The following SIPA1L1 variants were observed in gnomAD, a reference collection of about 807,000 sequenced individuals.
SIPA1L1 encodes the protein signal-induced proliferation-associated 1-like protein 1.
A neutral mutation model predicts 162.7 loss-of-function variants in SIPA1L1; 26 were observed. That is an observed-to-expected ratio of 0.16 (90% confidence interval 0.12 to 0.22). SIPA1L1 has a LOEUF of 0.22. Among genes scored for constraint, SIPA1L1 ranks in the 10% least tolerant of loss-of-function variants. The pLI, the probability that SIPA1L1 is intolerant of heterozygous loss-of-function variation, is 1.00. For synonymous variants in SIPA1L1, 829 were observed against 837.4 expected, an observed-to-expected ratio of 0.99 and a Z score of 0.17; for missense variants, 1,874 against 2,241.0, an observed-to-expected ratio of 0.84 and a Z score of 3.31.
At chr14:71,549,563 A>G (rs1231385924) in intron 4 of SIPA1L1, among the ~76,000 whole-genome samples, 1 of 152,212 alleles carries the variant, frequency 6.6e-6, no homozygotes, top group African/African-American at 2.4e-5. Flanking sequence ...AAGTTGGCCA[A>G]TTGGGAGGTT....
chr14:71,377,217 T>C lies in SIPA1L1; in HGVS notation c.-465+56036T>C, dbSNP rs1161245312. ...TGGGGGCGCCCCCCCACCTCCCAGA[T>C]GGGGTGGCGGCTGGGCGGGGGTGCC... On this transcript the variant is annotated intron_variant, in intron 2 of 23. Transcript: ENST00000381232. The surrounding 1 kb of genome is among the most constrained non-coding windows in gnomAD (Gnocchi z 4.8). Among the ~76,000 whole-genome samples, 2 of 145,268 alleles carry C rather than the reference T, an allele frequency of 1.4e-5. No homozygotes were observed. The highest frequency in any genetic ancestry group is 6.8e-5 in the Admixed American group (1 of 14,766).
At chr14:71,597,399 T>A (rs1278003772) in intron 5 of SIPA1L1, among the ~76,000 whole-genome samples, 15 of 152,224 alleles carry the variant, frequency 9.9e-5, no homozygotes, top group African/African-American at 3.4e-4. Flanking sequence ...TCTTCCTGTT[T>A]GTATATTTTA....
intron 2 of SIPA1L1, among the ~76,000 whole-genome samples, chr14:71,477,342 A>G (rs572231022): frequency 8.5e-5 from 13 of 152,196 alleles, no homozygotes; most frequent in Admixed American, 2.6e-4. Flanking sequence ...CCCCATCTCC[A>G]TAGTTTTCTC....
chr14:71,568,479 T>C (rs1385328809), intron 4 of SIPA1L1, among the ~76,000 whole-genome samples: 1 of 152,182 alleles, frequency 6.6e-6, no homozygotes, highest in Non-Finnish European at 1.5e-5. Context: ...CAATTGGTGT[T>C]GCACTGTTTC....
chr14:71,508,640 C>T (rs991340488), intron 2 of SIPA1L1, among the ~76,000 whole-genome samples: 21 of 152,242 alleles, frequency 1.4e-4, no homozygotes, highest in African/African-American at 4.1e-4. Flanking sequence ...CTTTTATTTC[C>T]GAACAAATAT....
At chr14:71,365,185 T>C (rs1383777158) in intron 2 of SIPA1L1, among the ~76,000 whole-genome samples, 2 of 151,668 alleles carry the variant, frequency 1.3e-5, no homozygotes, top group African/African-American at 4.9e-5. Context: ...GCCTGGCTAA[T>C]TTATTTTTTT....
intron 2 of SIPA1L1, among the ~76,000 whole-genome samples, chr14:71,347,156 T>A (rs2036254071): frequency 6.6e-6 from 1 of 151,614 alleles, no homozygotes; most frequent in African/African-American, 2.4e-5. Context: ...AGATGGGGTA[T>A]CACCGCGTTG....
intron 5 of SIPA1L1, among the ~76,000 whole-genome samples, chr14:71,610,332 A>G (rs1376976522): frequency 6.6e-6 from 1 of 152,226 alleles, no homozygotes; most frequent in Admixed American, 6.5e-5. Flanking sequence ...AATTATTTCC[A>G]TAAGGTGGAG....
chr14:71,738,370 AC>A (rs1287181445), intron 23 of SIPA1L1, 45 bp downstream of exon 23: 1 of 1,325,614 alleles, frequency 7.5e-7, no homozygotes. Flanking sequence ...TGTACAAACT[AC>A]CCTTGAACCA....
intron 2 of SIPA1L1, chr14:71,330,744 A>G: frequency 2.4e-6 from 2 of 828,592 alleles, no homozygotes; most frequent in Non-Finnish European, 4.3e-6. Context: ...CATCATAAGG[A>G]ATCTGGCTGT....
At chr14:71,701,620 T>C (rs564313967) in intron 14 of SIPA1L1, among the ~76,000 whole-genome samples, 1 of 152,346 alleles carries the variant, frequency 6.6e-6, no homozygotes, top group South Asian at 2.1e-4. Context: ...CTCTGGCACT[T>C]TTTCATGGGC....
At chr14:71,376,825 CAT>C (rs1286219206) in intron 2 of SIPA1L1, among the ~76,000 whole-genome samples, 4 of 152,094 alleles carry the variant, frequency 2.6e-5, no homozygotes, top group African/African-American at 9.7e-5. Context: ...TGACACAGCA[CAT>C]GTTTCAGAGA....
rs919226053 is a variant in SIPA1L1 at position 71,741,096 on chromosome 14, C to T, written c.*1935C>T. On this transcript the variant is annotated 3_prime_UTR_variant, in exon 24 of 24. Transcript: ENST00000381232. ...GCTTATTTGAAAGACCACCCAATAA[C>T]TCATTGACCCTCCTTGCATCCGAAT... 2 of 152,212 alleles carry T rather than the reference C, an allele frequency of 1.3e-5. No individual in the cohort carries two copies. The highest frequency in any genetic ancestry group is 4.8e-5 in the African/African-American group (2 of 41,454). 9.4% of individuals were successfully genotyped at this position (152,212 alleles called of 1,614,324 possible).
At chr14:71,626,716 G>A (rs1000864340) in intron 7 of SIPA1L1, among the ~76,000 whole-genome samples, 1 of 152,114 alleles carries the variant, frequency 6.6e-6, no homozygotes, top group Non-Finnish European at 1.5e-5. Context: ...AAGGAAACTG[G>A]ACTCATCAGA....
chr14:71,590,182 A>G (rs1214632375), intron 5 of SIPA1L1, among the ~76,000 whole-genome samples: 1 of 151,588 alleles, frequency 6.6e-6, no homozygotes, highest in Non-Finnish European at 1.5e-5. Flanking sequence ...ATTTACCGAA[A>G]AGTAAGTAGT....
chr14:71,534,949 A>G (rs970264319), intron 4 of SIPA1L1, among the ~76,000 whole-genome samples: 1 of 152,250 alleles, frequency 6.6e-6, no homozygotes, highest in African/African-American at 2.4e-5. Flanking sequence ...GCATCAAGGA[A>G]AATCTCATTT....
chr14:71,653,381 A>G (rs2042790591), intron 8 of SIPA1L1, among the ~76,000 whole-genome samples: 1 of 152,170 alleles, frequency 6.6e-6, no homozygotes, highest in African/African-American at 2.4e-5. Flanking sequence ...ATGCATATGC[A>G]GCTTACTGTC....
At chr14:71,683,326 G>A (rs879614200) in intron 12 of SIPA1L1, among the ~76,000 whole-genome samples, 3 of 152,182 alleles carry the variant, frequency 2.0e-5, no homozygotes, top group African/African-American at 4.8e-5. Flanking sequence ...CCTAGCAGCC[G>A]ACAGAAAGGG....
Position 71,377,419 on chromosome 14 carries a change from G to A in SIPA1L1, c.-465+56238G>A, listed in dbSNP as rs892056357. On this transcript the variant is annotated intron_variant, in intron 2 of 23. Coordinates refer to ENST00000381232, the MANE Select transcript of SIPA1L1 (RefSeq NM_001386936.1). The surrounding 1 kb of genome is among the most constrained non-coding windows in gnomAD (Gnocchi z 4.8). ...GAGGCACTCCTCACCTCCCAGACAG[G>A]GTGGCAGCCGGGTAGAGATGCTCCT... Among the ~76,000 whole-genome samples the A allele has an allele frequency of 1.7e-4, 26 of 151,580 alleles. No individual in the cohort carries two copies. Among genetic ancestry groups the A allele is most frequent in the Non-Finnish European group, 3.7e-4 (25 of 67,878 alleles).
Sources: gnomAD v4.1 joint callset for allele counts (sites outside exome capture counted in the v4.1 genomes callset) on GRCh38, gnomAD v4.1.1 for gene constraint, Gnocchi (gnomAD v3.1) non-coding constraint, MANE v1.5 for transcripts, NCBI Gene and HGNC (gene_info 2026-07-23, HGNC 2026-07-21) for gene names.